FUS: variants seen among roughly 807,000 people sequenced by gnomAD.
FUS encodes FUS RNA binding protein, also known as RNA-binding protein FUS.
In FUS, 5 loss-of-function variants were observed where a neutral mutation model predicts 82.7. That is an observed-to-expected ratio of 0.06 (90% CI 0.03 to 0.13). FUS has a LOEUF of 0.13. Among genes scored for constraint, FUS ranks in the 10% least tolerant of loss-of-function variants. FUS has a pLI of 1.00. For synonymous variants in FUS, 281 were observed against 247.4 expected (o/e 1.14, Z -1.27); for missense variants, 512 against 707.8 (o/e 0.72, Z 3.14).
intron 8 of FUS, 161 bp downstream of exon 8, chr16:31,188,518 G>C: frequency 2.5e-6 from 2 of 797,822 alleles, no homozygotes; most frequent in African/African-American, 3.4e-5. Context: ...TATTTGTTAC[G>C]AAGTATTTCT....
At chr16:31,182,326 A>G (rs1378787540) in intron 1 of FUS, 72 bp from the exon 2 acceptor site, 2 of 1,560,176 alleles carry the variant, frequency 1.3e-6, no homozygotes, top group Non-Finnish European at 1.8e-6. Flanking sequence ...GCTTGAGTTA[A>G]GGAATTTAGC....
intron 10 of FUS, 96 bp downstream of exon 10, chr16:31,189,890 A>C: frequency 6.2e-7 from 1 of 1,603,202 alleles, no homozygotes; most frequent in South Asian, 1.1e-5. Flanking sequence ...TGAGTCTTCC[A>C]ACACTTACTT....
chr16:31,193,767 G>A, downstream of FUS: 1 of 530,824 alleles, frequency 1.9e-6, no homozygotes, highest in South Asian at 1.5e-5. Flanking sequence ...CAAGTAGCTG[G>A]GACTACAGGT....
At chr16:31,180,538 C>T (rs970906801) in intron 1 of FUS, among the ~76,000 whole-genome samples, 10 of 152,314 alleles carry the variant, frequency 6.6e-5, no homozygotes, top group Admixed American at 5.2e-4. Context: ...TCCGTGGCCT[C>T]GCCTCCCCCA....
chr16:31,185,630 C>T (rs369491347), intron 6 of FUS: 3 of 491,476 alleles, frequency 6.1e-6, no homozygotes, highest in Non-Finnish European at 1.2e-5. Flanking sequence ...GAATTGGCTA[C>T]TCTTCCCGTT....
chr16:31,191,149 A>T (rs2079351650), intron 14 of FUS, 39 bp downstream of exon 14: 1 of 1,608,490 alleles, frequency 6.2e-7, no homozygotes, highest in African/African-American at 1.3e-5. Context: ...AGAGCAGTTG[A>T]ACAGAGGCCA....
chr16:31,188,014 C>T (rs1262344391), intron 7 of FUS: 1 of 468,690 alleles, frequency 2.1e-6, no homozygotes, highest in Admixed American at 3.7e-5. Context: ...TTTAATGGGT[C>T]TCCGTTTCCC....
intron 1 of FUS, 168 bp from the exon 2 acceptor site, chr16:31,182,230 A>T (rs755187725): frequency 1.6e-5 from 12 of 751,500 alleles, no homozygotes; most frequent in Non-Finnish European, 2.6e-5. Context: ...ACCTCAAGTG[A>T]TCCACCCACC....
At chr16:31,191,984 A>G (rs2079368482), downstream of FUS, 1 of 533,216 alleles carries the variant, frequency 1.9e-6, no homozygotes, top group African/African-American at 1.9e-5. Context: ...TAAATGGGGC[A>G]GTATTCAGAT....
Position 31,182,574 on chromosome 16 carries a change from G to A in FUS, c.100G>A (p.Gly34Arg). Residue 34 changes from glycine (G) to arginine (R), a missense_variant, in exon 3 of 15, where the codon GGA becomes AGA. Gly to Arg is a moderately radical substitution (Grantham distance 125). Around this residue, in one of 6 missense-constraint regions of FUS, gnomAD observed 276 missense variants for 303.3 expected, o/e 0.91. Transcript: ENST00000254108. ...GYSQQSSQPY[G>R]QQSYSGYSQS... is the part of the protein sequence containing the mutation. ...TTCCCAGCAGAGCAGTCAGCCCTAC[G>A]GACAGCAGAGTTACAGTGGTTATAG... 1 of 1,614,154 alleles carries A rather than the reference G, an allele frequency of 6.2e-7. No individual in the cohort carries two copies. Among genetic ancestry groups the A allele is most frequent in the Non-Finnish European group, 8.5e-7 (1 of 1,180,032 alleles).
intron 1 of FUS, among the ~76,000 whole-genome samples, chr16:31,181,551 C>A (rs1291910914): frequency 6.6e-6 from 1 of 152,082 alleles, no homozygotes; most frequent in Non-Finnish European, 1.5e-5. Context: ...TCTGGCTTTG[C>A]ACTAAAAAGC....
rs2079330049 is a variant in FUS at position 31,190,050 on chromosome 16, C to T, written c.1077C>T (p.Phe359=). 16 of 1,612,358 alleles carry T rather than the reference C, an allele frequency of 9.9e-6. No individual in the cohort carries two copies. The highest frequency in any genetic ancestry group is 8.9e-5 in the East Asian group (4 of 44,866). ...TTTTTGTTTCTCTAGGTAAAGAATT[C>T]TCCGGAAATCCTATCAAGGTCTCAT... ...AAIDWFDGKE[F]SGNPIKVSFA... is the part of the protein sequence containing the mutation. Residue 359 remains phenylalanine, a synonymous_variant, in exon 11 of 15, where the codon TTC becomes TTT. Coordinates refer to ENST00000254108, the MANE Select transcript of FUS (RefSeq NM_004960.4).
At chr16:31,190,478 T>A in intron 12 of FUS, 80 bp downstream of exon 12, 1 of 1,601,050 alleles carries the variant, frequency 6.2e-7, no homozygotes, top group Non-Finnish European at 8.6e-7. Flanking sequence ...TGTGCGTGTT[T>A]TCCAAAGAAG....
intron 14 of FUS, 125 bp from the exon 15 acceptor site, chr16:31,191,274 C>T (rs982651488): frequency 2.0e-6 from 3 of 1,476,766 alleles, no homozygotes; most frequent in East Asian, 2.3e-5. Flanking sequence ...GGGAGTGAAT[C>T]TGTAGACCCA....
chr16:31,183,677 T>TTGA (rs1487264321), intron 3 of FUS, 181 bp from the exon 4 acceptor site: 3 of 716,180 alleles, frequency 4.2e-6, no homozygotes, highest in African/African-American at 1.8e-5. Context: ...TTGGTAGAAG[T>TTGA]TGAAGCATTA....
downstream of FUS, chr16:31,193,819 CTT>C (rs753379140): frequency 1.7e-4 from 73 of 435,268 alleles, no homozygotes; most frequent in Middle Eastern, 1.3e-3. Context: ...TTTTTAATTA[CTT>C]TTTTTTTTTT....
chr16:31,188,294 T>G, intron 7 of FUS, 31 bp from the exon 8 acceptor site: 1 of 1,609,448 alleles, frequency 6.2e-7, no homozygotes, highest in Non-Finnish European at 8.5e-7. Context: ...TTTTTGTTTT[T>G]TTTTTGTTCT....
At chr16:31,188,739 C>CT (rs1380838874) in intron 8 of FUS, 3 of 466,032 alleles carry the variant, frequency 6.4e-6, no homozygotes, top group African/African-American at 1.9e-5. Context: ...AAGCATTGAA[C>CT]TCCTGTTTAG....
At chr16:31,193,517 T>G, downstream of FUS, 1 of 529,520 alleles carries the variant, frequency 1.9e-6, no homozygotes, top group Non-Finnish European at 3.7e-6. Flanking sequence ...GCCCTCCTGT[T>G]AGGAGTGGAG....
Sources: gnomAD v4.1 joint callset for allele counts (sites outside exome capture counted in the v4.1 genomes callset) on GRCh38, gnomAD v4.1.1 for gene constraint, gnomAD v4.1.1 regional missense constraint, MANE v1.5 for transcripts, NCBI Gene and HGNC (gene_info 2026-07-23, HGNC 2026-07-21) for gene names.